STAM: variants seen among roughly 807,000 people sequenced by gnomAD.
STAM encodes the protein signal transducing adapter molecule 1.
In STAM, 16 loss-of-function variants were observed where a neutral mutation model predicts 63.4. The observed-to-expected ratio is 0.25, with a 90% CI of 0.17 to 0.38. STAM has a LOEUF of 0.38. Among genes scored for constraint, STAM ranks in the 10% least tolerant of loss-of-function variants. The pLI is 1.00. For missense variants in STAM, 636 were observed against 657.1 expected (o/e 0.97, Z 0.35); for synonymous variants, 238 against 223.9 (o/e 1.06, Z -0.56).
At chr10:17,702,587 G>A (rs973915341) in intron 9 of STAM, among the ~76,000 whole-genome samples, 5 of 152,160 alleles carry the variant, frequency 3.3e-5, no homozygotes, top group African/African-American at 9.7e-5. Flanking sequence ...AGGGGTTTAT[G>A]GGCTTTTAGC....
chr10:17,693,111 T>A lies in STAM; in HGVS notation c.445-111T>A, dbSNP rs1835611492. The A allele has an allele frequency of 1.4e-5, 11 of 801,232 alleles. No individual in the cohort carries two copies. The South Asian group carries it at 2.3e-4, about 17-fold the overall frequency. 49.6% of individuals were successfully genotyped at this position (801,232 alleles called of 1,614,324 possible). ...AGCTGCTGCAGTTTGGATTTCTTCT[T>A]TCAGAAATCTGTGCTAGATTGATGA... On this transcript the variant is annotated intron_variant, in intron 5 of 13. Coordinates refer to ENST00000377524, the MANE Select transcript of STAM (RefSeq NM_003473.4).
chr10:17,704,837 TA>T, intron 10 of STAM, 132 bp from the exon 11 acceptor site: 1 of 761,494 alleles, frequency 1.3e-6, no homozygotes, highest in Non-Finnish European at 2.1e-6. Context: ...TTCTGTAGAC[TA>T]AGGTTAAAGA....
chr10:17,713,298 G>T (rs1432626301), intron 13 of STAM, among the ~76,000 whole-genome samples: 1 of 152,284 alleles, frequency 6.6e-6, no homozygotes, highest in African/African-American at 2.4e-5. Flanking sequence ...ATGAAGCCCG[G>T]TGATTCTGAA....
intron 2 of STAM, among the ~76,000 whole-genome samples, chr10:17,672,539 T>G (rs1554824189): frequency 1.3e-5 from 2 of 152,238 alleles, no homozygotes; most frequent in Admixed American, 1.3e-4. Flanking sequence ...CCCACTTTTC[T>G]CATAGCATCA....
intron 7 of STAM, among the ~76,000 whole-genome samples, chr10:17,696,323 G>A (rs1382640682): frequency 6.6e-6 from 1 of 151,810 alleles, no homozygotes; most frequent in Admixed American, 6.6e-5. Context: ...CGAATGTTTT[G>A]CACTGTGAAC....
At chr10:17,652,313 A>G (rs11254700) in intron 1 of STAM, among the ~76,000 whole-genome samples, 17,241 of 152,188 alleles carry the variant, frequency 0.11, 1,055 homozygotes, top group Middle Eastern at 0.16. Context: ...TGATTTTGAG[A>G]CAGCCTCAAT....
rs1051156979 is a variant in STAM at position 17,655,833 on chromosome 10, A to G, written c.41-4631A>G. Among the ~76,000 whole-genome samples the G allele has an allele frequency of 5.9e-5, 9 of 152,290 alleles. 2 individuals are homozygous for G. The South Asian group carries it at 1.7e-3, about 28-fold the overall frequency. On this transcript the variant is annotated intron_variant, in intron 1 of 13. Coordinates refer to ENST00000377524, the MANE Select transcript of STAM (RefSeq NM_003473.4). ...GATCTTGGTGATGTTATCTTTCAGC[A>G]TATCTGCTCTTTGAATTGCAGTGTT...
At chr10:17,700,342 T>A in intron 9 of STAM, 63 bp downstream of exon 9, 1 of 1,298,356 alleles carries the variant, frequency 7.7e-7, no homozygotes, top group Non-Finnish European at 1.1e-6. Flanking sequence ...GGTTTTGCTT[T>A]AAGAAAAAAT....
At chr10:17,646,466 A>G (rs1394544375) in intron 1 of STAM, among the ~76,000 whole-genome samples, 1 of 152,126 alleles carries the variant, frequency 6.6e-6, no homozygotes, top group African/African-American at 2.4e-5. Flanking sequence ...TTTTGCCTTT[A>G]CCGAATTATT....
intron 5 of STAM, among the ~76,000 whole-genome samples, chr10:17,690,045 G>A (rs1303151758): frequency 2.6e-5 from 4 of 152,282 alleles, no homozygotes; most frequent in Middle Eastern, 6.8e-3. Flanking sequence ...TCTTAGCCAC[G>A]GAAACAGTTT....
chr10:17,677,478 T>C (rs1834902331), intron 2 of STAM, among the ~76,000 whole-genome samples: 1 of 152,186 alleles, frequency 6.6e-6, no homozygotes, highest in South Asian at 2.1e-4. Context: ...ATTGAAATGA[T>C]TGTTTTGTGT....
chr10:17,663,640 A>G lies in STAM; in HGVS notation c.125+3092A>G, dbSNP rs573631281. 2.6e-5 allele frequency among the ~76,000 whole-genome samples: 4 copies of G among 152,058 alleles called. No individual in the cohort carries two copies. In the East Asian group the frequency reaches 7.7e-4, roughly 29 times the overall value. ...TCTCTGGTTCTTTTAAATCCCCATTAAGTTAATCTTCAAGCATTTATTGTG... is the reference window on the plus strand; with the variant it reads ...TCTCTGGTTCTTTTAAATCCCCATTGAGTTAATCTTCAAGCATTTATTGTG... On this transcript the variant is annotated intron_variant, in intron 2 of 13. Coordinates refer to ENST00000377524, the MANE Select transcript of STAM (RefSeq NM_003473.4).
intron 12 of STAM, among the ~76,000 whole-genome samples, chr10:17,705,946 T>C (rs1049685274): frequency 1.3e-5 from 2 of 151,200 alleles, no homozygotes; most frequent in African/African-American, 2.4e-5. Flanking sequence ...GGCATGTTCC[T>C]TGGTCCCTGC....
intron 1 of STAM, among the ~76,000 whole-genome samples, chr10:17,645,745 C>T (rs1291202538): frequency 6.6e-6 from 1 of 152,174 alleles, no homozygotes; most frequent in African/African-American, 2.4e-5. Flanking sequence ...TTAGCACACA[C>T]TACAGGACAC....
At chr10:17,694,693 A>C (rs1835679329) in intron 6 of STAM, among the ~76,000 whole-genome samples, 1 of 152,136 alleles carries the variant, frequency 6.6e-6, no homozygotes. Context: ...TTGACTTTCC[A>C]GGCAGTTTTG....
chr10:17,684,245 C>T (rs935754105), intron 2 of STAM, among the ~76,000 whole-genome samples: 2 of 152,250 alleles, frequency 1.3e-5, no homozygotes, highest in African/African-American at 4.8e-5. Context: ...ATTCATTTTC[C>T]TTCTTGGATA....
intron 2 of STAM, among the ~76,000 whole-genome samples, chr10:17,679,872 A>G (rs908989619): frequency 6.6e-6 from 1 of 151,504 alleles, no homozygotes; most frequent in Admixed American, 6.6e-5. Context: ...TTGTTGGCAT[A>G]AAGTTGTTCA....
intron 13 of STAM, 85 bp downstream of exon 13, chr10:17,709,036 G>T: frequency 6.8e-7 from 1 of 1,476,412 alleles, no homozygotes; most frequent in Non-Finnish European, 9.2e-7. Flanking sequence ...ATAAAATCTG[G>T]CTAATAAATA....
At chr10:17,708,402 T>G (rs930565057) in intron 12 of STAM, among the ~76,000 whole-genome samples, 11 of 152,226 alleles carry the variant, frequency 7.2e-5, no homozygotes, top group African/African-American at 2.7e-4. Context: ...TTGCAGTCTA[T>G]GGCTACAAAA....
Sources: allele counts gnomAD v4.1 joint callset (sites outside exome capture counted in the v4.1 genomes callset), GRCh38; gene constraint gnomAD v4.1.1; transcripts MANE v1.5; gene names NCBI Gene and HGNC (gene_info 2026-07-23, HGNC 2026-07-21).